CEACAM6: variants seen among roughly 807,000 people sequenced by gnomAD.
CEACAM6 encodes CEA cell adhesion molecule 6, also known as cell adhesion molecule CEACAM6.
In CEACAM6, 21 loss-of-function variants were observed where a neutral mutation model predicts 32.4. That is an observed-to-expected ratio of 0.65 (90% CI 0.46 to 0.93). CEACAM6 has a LOEUF of 0.93. CEACAM6 is among the 40% of genes least tolerant of loss of function. The pLI, the probability that CEACAM6 is intolerant of heterozygous loss-of-function variation, is 0.00. For synonymous variants in CEACAM6, 184 were observed against 174.4 expected (o/e 1.06, Z -0.43); for missense variants, 406 against 432.2 (o/e 0.94, Z 0.54).
intron 2 of CEACAM6, among the ~76,000 whole-genome samples, chr19:41,759,301 G>A (rs1333360033): frequency 6.6e-6 from 1 of 152,202 alleles, no homozygotes; most frequent in Non-Finnish European, 1.5e-5. Context: ...CATAGACTCT[G>A]CCCAGTTTAG....
Position 41,756,868 on chromosome 19 carries a change from C to A in CEACAM6, c.333C>A (p.Asn111Lys), listed in dbSNP as rs181925778. ...CCAATGCATCCCTGCTGATCCAGAA[C>A]GTCACCCAGAATGACACAGGATTCT... Reference protein sequence around the residue: ...IYPNASLLIQNVTQNDTGFYT... With the variant: ...IYPNASLLIQKVTQNDTGFYT... Residue 111 changes from asparagine to lysine, a missense_variant, in exon 2 of 6, where the codon AAC (asparagine) becomes AAA (lysine). Coordinates refer to ENST00000199764, the MANE Select transcript of CEACAM6 (RefSeq NM_002483.7). The A allele has an allele frequency of 1.9e-6, 3 of 1,614,162 alleles. No homozygotes were observed. The highest frequency in any genetic ancestry group is 1.3e-5 in the African/African-American group (1 of 75,022).
In CEACAM6 at chr19:41,760,258, C is replaced by G. The variant is rs186220463; in HGVS notation, c.425-991C>G. Among the ~76,000 whole-genome samples, 6 of 152,310 alleles carry G rather than the reference C, an allele frequency of 3.9e-5. 1 individual carries two copies. The highest frequency in any genetic ancestry group is 3.3e-4 in the Admixed American group (5 of 15,308). ...GGGACCTCATATAAGTGGAACCCTA[C>G]AGTATCTGTCCTGTGAGTGACTTAT... On this transcript the variant is annotated intron_variant, in intron 2 of 5. Transcript: ENST00000199764.
At chr19:41,758,026 A>G (rs1340030197) in intron 2 of CEACAM6, 1 of 152,360 alleles carries the variant, frequency 6.6e-6, no homozygotes, top group South Asian at 2.1e-4. Context: ...GAGGCCAGTC[A>G]TGGGTTCACT....
chr19:41,761,078 A>G lies in CEACAM6; in HGVS notation c.425-171A>G, dbSNP rs146677991. Among the ~76,000 whole-genome samples the G allele has an allele frequency of 8.9e-4, 135 of 152,324 alleles. 2 individuals are homozygous for G. Among genetic ancestry groups the G allele is most frequent in the African/African-American group, 3.1e-3 (129 of 41,576 alleles). On this transcript the variant is annotated intron_variant, in intron 2 of 5. Transcript: ENST00000199764. The stretch of plus-strand genomic sequence containing the variant: ...CCACACAGAGCAGGTGATCTCACAC[A>G]ATCTCAGCCCTCAAATCATCGTGCA...
intron 4 of CEACAM6, among the ~76,000 whole-genome samples, chr19:41,763,996 C>G (rs1222828497): frequency 1.3e-5 from 2 of 152,212 alleles, no homozygotes; most frequent in Non-Finnish European, 2.9e-5. Context: ...GCATCCTTGT[C>G]TTGCTCCTGG....
chr19:41,767,376 T>G (rs1043012915), intron 5 of CEACAM6, among the ~76,000 whole-genome samples: 3 of 152,116 alleles, frequency 2.0e-5, no homozygotes, highest in Non-Finnish European at 4.4e-5. Flanking sequence ...GACAATCAAT[T>G]CATGTGTTCA....
At chr19:41,758,840 G>A (rs2072905305) in intron 2 of CEACAM6, among the ~76,000 whole-genome samples, 1 of 152,202 alleles carries the variant, frequency 6.6e-6, no homozygotes, top group South Asian at 2.1e-4. Context: ...CAACAGAGAA[G>A]GCACAGAAAT....
intron 4 of CEACAM6, 49 bp from the exon 5 acceptor site, chr19:41,766,134 C>G (rs1555822363): frequency 7.4e-7 from 1 of 1,351,174 alleles, no homozygotes; most frequent in South Asian, 1.3e-5. Context: ...CTTGGGGACC[C>G]CACTGTAGAA....
intron 5 of CEACAM6, among the ~76,000 whole-genome samples, chr19:41,768,754 C>G (rs1304104440): frequency 6.8e-6 from 1 of 147,328 alleles, no homozygotes; most frequent in African/African-American, 2.5e-5. Flanking sequence ...CCCTCCCGGA[C>G]GGGGCGGCTG....
intron 5 of CEACAM6, among the ~76,000 whole-genome samples, chr19:41,769,495 G>A (rs2072979157): frequency 6.6e-6 from 1 of 152,134 alleles, no homozygotes; most frequent in South Asian, 2.1e-4. Context: ...AGATAATAAT[G>A]AAAATAATAT....
At position 41,761,296 on chromosome 19, in the gene CEACAM6, G is replaced by A; in HGVS notation, c.472G>A (p.Glu158Lys). ...SISSNNSNPV[E>K]DKDAVAFTCE... ...CTCCAGCAACAACTCCAACCCCGTG[G>A]AGGACAAGGATGCTGTGGCCTTCAC... Residue 158 changes from glutamate (E) to lysine (K), a missense_variant, in exon 3 of 6, where the codon GAG becomes AAG. Coordinates refer to ENST00000199764, the MANE Select transcript of CEACAM6 (RefSeq NM_002483.7). 6.2e-7 allele frequency: 1 copy of A among 1,614,160 alleles called. No individual in the cohort carries two copies. The highest frequency in any genetic ancestry group is 2.2e-5 in the East Asian group (1 of 44,888).
At position 41,771,469 on chromosome 19, in the gene CEACAM6, T is replaced by C. The variant is rs1295244032; in HGVS notation, c.*708T>C. On this transcript the variant is annotated 3_prime_UTR_variant, in exon 6 of 6. Transcript: ENST00000199764. Reference sequence around the variant, plus strand: ...TGTTGTTGAACATGGCTAAATACAATGGGTATCGCTGAGACTAAGTTGTAG... The same window carrying C: ...TGTTGTTGAACATGGCTAAATACAACGGGTATCGCTGAGACTAAGTTGTAG... 6.6e-6 allele frequency: 1 copy of C among 152,178 alleles called. No homozygotes were observed. Among genetic ancestry groups the C allele is most frequent in the African/African-American group, 2.4e-5 (1 of 41,442 alleles). 9.4% of individuals were successfully genotyped at this position (152,178 alleles called of 1,614,324 possible).
At chr19:41,761,610 G>T (rs1388281571) in intron 3 of CEACAM6, 83 bp downstream of exon 3, 85 of 1,579,414 alleles carry the variant, frequency 5.4e-5, no homozygotes, top group Non-Finnish European at 6.9e-5. Flanking sequence ...GTCCCTCTCA[G>T]GTCTAAGGAC....
Position 41,761,245 on chromosome 19 carries a change from A to G in CEACAM6, c.425-4A>G, listed in dbSNP as rs1427757462. 2.5e-6 allele frequency: 4 copies of G among 1,614,070 alleles called. No individual in the cohort carries two copies. In the African/African-American group the frequency reaches 5.3e-5, roughly 22 times the overall value. ...GGGCAATCTTCTCTCTGTTTTCTGC[A>G]CAGCGGAGCTGCCCAAGCCCTCCAT... On this transcript the variant is annotated splice_polypyrimidine_tract_variant and splice_region_variant and intron_variant, in intron 2 of 5. Coordinates refer to ENST00000199764, the MANE Select transcript of CEACAM6 (RefSeq NM_002483.7).
At chr19:41,767,721 C>T (rs2072964703) in intron 5 of CEACAM6, among the ~76,000 whole-genome samples, 1 of 152,094 alleles carries the variant, frequency 6.6e-6, no homozygotes, top group African/African-American at 2.4e-5. Flanking sequence ...GGGCTAAACC[C>T]ATGGTTTTTA....
In CEACAM6 at chr19:41,766,052, T is replaced by A. The variant is rs544852814; in HGVS notation, c.959-131T>A. 1.8e-5 allele frequency: 9 copies of A among 506,042 alleles called. No homozygotes were observed. In the East Asian group the frequency reaches 3.1e-4, roughly 17 times the overall value. The allele number at this position is 506,042 out of a possible 1,614,324, so 31.3% of individuals were successfully genotyped here. A position where few individuals can be genotyped will look rare whatever the true frequency, so the allele number is the denominator to read the frequency against. ...AAACGTGGTAAGAGAGAAAAAAAAT[T>A]GCAACTTTCCCACAAAACTAGTGTA... On this transcript the variant is annotated intron_variant, in intron 4 of 5. Transcript: ENST00000199764.
Position 41,770,398 on chromosome 19 carries a change from AGGCCTATACTATTCATGTGCGTACATG to A in CEACAM6, c.*41-383_*41-357del, listed in dbSNP as rs555322653. Among the ~76,000 whole-genome samples the A allele has an allele frequency of 2.1e-3, 316 of 152,060 alleles. 1 individual carries two copies. The highest frequency in any genetic ancestry group is 6.8e-3 in the African/African-American group (283 of 41,440). On this transcript the variant is annotated intron_variant, in intron 5 of 5. Transcript: ENST00000199764. ...CGCTCCAGCCTGGGAGTGCATACAT[AGGCCTATACTATTCATGTGCGTACATG>A]GGCCTATACTATTCATGTGCATACA...
In CEACAM6 at chr19:41,756,490, ACACG is replaced by A. The variant is rs1181311322; in HGVS notation, c.65-108_65-105del. 2.8e-6 allele frequency: 4 copies of A among 1,407,388 alleles called. No homozygotes were observed. The East Asian group carries it at 7.2e-5, about 25-fold the overall frequency. The allele number at this position is 1,407,388 out of a possible 1,614,324, so 87.2% of individuals were successfully genotyped here. On this transcript the variant is annotated intron_variant, in intron 1 of 5. Transcript: ENST00000199764. ...CACACACACACACACACACACACAC[ACACG>A]CTCCAACGTGGAGGGGTGAAGAGAC...
intron 4 of CEACAM6, among the ~76,000 whole-genome samples, chr19:41,763,648 C>T (rs929458980): frequency 2.6e-5 from 4 of 152,206 alleles, no homozygotes; most frequent in East Asian, 1.9e-4. Context: ...GTTGTGCATC[C>T]GTCTTCTGAC....
Sources: allele counts gnomAD v4.1 joint callset (sites outside exome capture counted in the v4.1 genomes callset), GRCh38; gene constraint gnomAD v4.1.1; transcripts MANE v1.5; gene names NCBI Gene and HGNC (gene_info 2026-07-23, HGNC 2026-07-21).